The following PTPRJ variants were observed in gnomAD, a reference collection of about 807,000 sequenced individuals.
PTPRJ encodes the protein receptor-type tyrosine-protein phosphatase eta.
In PTPRJ, 129 loss-of-function variants were observed where a neutral mutation model predicts 141.3. That is an observed-to-expected ratio of 0.91 (90% confidence interval 0.79 to 1.06). The LOEUF (loss-of-function observed/expected upper bound fraction) is 1.06. PTPRJ is among the 50% of genes least tolerant of loss of function. The probability of loss-of-function intolerance (pLI) is 0.00; values close to 1 mark genes in which losing one functional copy is unlikely to be tolerated. For missense variants in PTPRJ, 1,601 were observed against 1,679.7 expected, an observed-to-expected ratio of 0.95 and a Z score of 0.82; for synonymous variants, 610 against 640.5, an observed-to-expected ratio of 0.95 and a Z score of 0.72.
At chr11:48,062,859 A>G (rs765179685) in intron 1 of PTPRJ, among the ~76,000 whole-genome samples, 1 of 152,208 alleles carries the variant, frequency 6.6e-6, no homozygotes, top group African/African-American at 2.4e-5. Context: ...TGGGCAGGTT[A>G]TCTTTGTCTC....
intron 1 of PTPRJ, among the ~76,000 whole-genome samples, chr11:48,059,749 G>T (rs547222358): frequency 3.3e-5 from 5 of 152,294 alleles, no homozygotes; most frequent in Admixed American, 6.5e-5. Flanking sequence ...CCAGCCGCCT[G>T]ATGAGGTAGC....
chr11:48,149,914 A>G, intron 16 of PTPRJ, 76 bp from the exon 17 acceptor site: 10 of 1,172,722 alleles, frequency 8.5e-6, no homozygotes, highest in South Asian at 1.4e-5. Context: ...TTTTGGGAAG[A>G]TTGTTTACTG....
intron 1 of PTPRJ, among the ~76,000 whole-genome samples, chr11:48,085,791 G>C (rs1362111403): frequency 6.6e-6 from 1 of 152,192 alleles, no homozygotes; most frequent in Non-Finnish European, 1.5e-5. Context: ...CCATTCTGTG[G>C]ATCCTATAGG....
chr11:48,166,470 C>T (rs181480506), intron 24 of PTPRJ, among the ~76,000 whole-genome samples: 77 of 151,782 alleles, frequency 5.1e-4, no homozygotes, highest in African/African-American at 1.5e-3. Flanking sequence ...TGTGCCACCA[C>T]GCCCAGCAAA....
At chr11:48,001,203 G>A (rs962163365) in intron 1 of PTPRJ, among the ~76,000 whole-genome samples, 1 of 151,946 alleles carries the variant, frequency 6.6e-6, no homozygotes, top group Non-Finnish European at 1.5e-5. Flanking sequence ...ATGTTTGCCA[G>A]GCTGGTCTTG....
At chr11:48,112,545 C>T (rs1590517159) in intron 2 of PTPRJ, among the ~76,000 whole-genome samples, 2 of 152,218 alleles carry the variant, frequency 1.3e-5, no homozygotes, top group African/African-American at 2.4e-5. Flanking sequence ...TCTGCACTCT[C>T]GTGGCCAGGT....
rs147444714 is a variant in PTPRJ, at chr11:48,111,844, C to T, written c.116-903C>T. Among the ~76,000 whole-genome samples the T allele has an allele frequency of 4.6e-5, 7 of 152,068 alleles. No individual in the cohort carries two copies. The East Asian group carries it at 7.7e-4, about 17-fold the overall frequency. ...CTTCAACATATGAATTTGGGGGTGGCGGAGCACAAGTCAGCTCATAACAGC... is the reference window on the plus strand; with the variant it reads ...CTTCAACATATGAATTTGGGGGTGGTGGAGCACAAGTCAGCTCATAACAGC... On this transcript the variant is annotated intron_variant, in intron 2 of 24. Coordinates refer to ENST00000418331, the MANE Select transcript of PTPRJ (RefSeq NM_002843.4).
intron 18 of PTPRJ, among the ~76,000 whole-genome samples, chr11:48,151,099 T>TTA (rs1857470797): frequency 6.6e-6 from 1 of 152,138 alleles, no homozygotes; most frequent in Admixed American, 6.6e-5. Flanking sequence ...TATTCTAACC[T>TTA]TTGTATTAGT....
chr11:48,079,286 G>A (rs540650477), intron 1 of PTPRJ, among the ~76,000 whole-genome samples: 6 of 152,170 alleles, frequency 3.9e-5, no homozygotes, highest in African/African-American at 1.4e-4. Flanking sequence ...AGAGGCGGAT[G>A]CAGTACGGGA....
At chr11:48,062,397 C>A (rs1483944334) in intron 1 of PTPRJ, among the ~76,000 whole-genome samples, 1 of 151,840 alleles carries the variant, frequency 6.6e-6, no homozygotes, top group Non-Finnish European at 1.5e-5. Context: ...CCTGTAGTAC[C>A]AGCTACTTGG....
intron 1 of PTPRJ, among the ~76,000 whole-genome samples, chr11:48,096,593 G>A (rs1298648070): frequency 1.5e-5 from 2 of 136,740 alleles, no homozygotes; most frequent in African/African-American, 5.5e-5. Flanking sequence ...AATTTATTCT[G>A]GATTGAGTTT....
At position 48,167,226 on chromosome 11, in the gene PTPRJ, A is replaced by C; in HGVS notation, c.3878A>C (p.Gln1293Pro). The C allele has an allele frequency of 6.2e-7, 1 of 1,612,328 alleles. No individual in the cohort carries two copies. The highest frequency in any genetic ancestry group is 8.5e-7 in the Non-Finnish European group (1 of 1,178,522). ...CAGGACCAGTATGTTTTCCTCAATCAGTGTGTTTTGGATATTGTCAGATCC... is the reference window on the plus strand; with the variant it reads ...CAGGACCAGTATGTTTTCCTCAATCCGTGTGTTTTGGATATTGTCAGATCC... Reference protein sequence around the residue: ...QTEDQYVFLNQCVLDIVRSQK... With the variant: ...QTEDQYVFLNPCVLDIVRSQK... Residue 1293 changes from glutamine to proline, a missense_variant, in exon 25 of 25, where the codon CAG (glutamine) becomes CCG (proline). Transcript: ENST00000418331.
At chr11:48,021,602 C>T (rs1330237335) in intron 1 of PTPRJ, among the ~76,000 whole-genome samples, 1 of 151,408 alleles carries the variant, frequency 6.6e-6, no homozygotes, top group Non-Finnish European at 1.5e-5. Context: ...TGTAGATTAA[C>T]CAGCACGGCA....
chr11:48,112,702 T>C, intron 2 of PTPRJ, 45 bp from the exon 3 acceptor site: 2 of 1,443,840 alleles, frequency 1.4e-6, no homozygotes, highest in Non-Finnish European at 9.7e-7. Context: ...CCCTGTCTCC[T>C]GGAGAAATAT....
chr11:48,131,668 T>G (rs1332452566), intron 8 of PTPRJ: 1 of 573,570 alleles, frequency 1.7e-6, no homozygotes, highest in Non-Finnish European at 3.2e-6. Flanking sequence ...TATGGCTACT[T>G]TGGTGCTAGA....
At chr11:48,057,937 A>T (rs1394758179) in intron 1 of PTPRJ, among the ~76,000 whole-genome samples, 1 of 151,242 alleles carries the variant, frequency 6.6e-6, no homozygotes, top group Non-Finnish European at 1.5e-5. Flanking sequence ...TTTGAGACCA[A>T]GTCTTGCTCT....
chr11:48,061,938 T>A (rs73464876), intron 1 of PTPRJ, among the ~76,000 whole-genome samples: 14,360 of 148,232 alleles, frequency 0.097, 1,308 homozygotes, highest in African/African-American at 0.24. Context: ...TTCTTTTGAG[T>A]CAGGATCTCA....
At chr11:48,154,580 G>A (rs191562797) in intron 19 of PTPRJ, among the ~76,000 whole-genome samples, 48 of 152,314 alleles carry the variant, frequency 3.2e-4, no homozygotes, top group African/African-American at 1.0e-3. Context: ...TAAGCAGATT[G>A]TAGCCATGTT....
chr11:47,992,298 T>A (rs1854217280), intron 1 of PTPRJ, among the ~76,000 whole-genome samples: 1 of 152,108 alleles, frequency 6.6e-6, no homozygotes, highest in Admixed American at 6.6e-5. Flanking sequence ...CTCAGCCTCC[T>A]GAGTAGCTGG....
Sources: gnomAD v4.1 joint callset for allele counts (sites outside exome capture counted in the v4.1 genomes callset) on GRCh38, gnomAD v4.1.1 for gene constraint, MANE v1.5 for transcripts, NCBI Gene and HGNC (gene_info 2026-07-23, HGNC 2026-07-21) for gene names.